Variants in RBFOX2 observed in about 807,000 individuals in gnomAD.
RBFOX2 encodes the protein RNA binding fox-1 homolog 2, also known as RNA binding protein fox-1 homolog 2.
A neutral mutation model predicts 49.1 loss-of-function variants in RBFOX2; 10 were observed. The observed-to-expected ratio is 0.20, with a 90% confidence interval of 0.13 to 0.35. RBFOX2 has a LOEUF of 0.35. Ranked by LOEUF, RBFOX2 falls within the 10% of genes least tolerant of loss-of-function variation. The pLI, the probability that RBFOX2 is intolerant of heterozygous loss-of-function variation, is 1.00. For synonymous variants in RBFOX2, 183 were observed against 187.4 expected (o/e 0.98, Z 0.19); for missense variants, 323 against 486.9 (o/e 0.66, Z 3.17).
chr22:35,852,038 A>G (rs2041998859), intron 1 of RBFOX2, among the ~76,000 whole-genome samples: 1 of 149,416 alleles, frequency 6.7e-6, no homozygotes, highest in Admixed American at 6.6e-5. Flanking sequence ...AACCAACTGC[A>G]AACAAAATAT....
intron 1 of RBFOX2, among the ~76,000 whole-genome samples, chr22:35,979,541 T>C (rs1038516459): frequency 5.3e-5 from 8 of 152,106 alleles, no homozygotes; most frequent in African/African-American, 9.7e-5. Context: ...AAAAAGGGTA[T>C]GTATGTACAC....
At chr22:35,904,510 C>A (rs1005155984) in intron 1 of RBFOX2, among the ~76,000 whole-genome samples, 1 of 152,104 alleles carries the variant, frequency 6.6e-6, no homozygotes, top group Non-Finnish European at 1.5e-5. Context: ...CTAATTTCAC[C>A]CTAGTTACCA....
chr22:35,890,936 T>A (rs2047164350), intron 1 of RBFOX2, among the ~76,000 whole-genome samples: 1 of 152,092 alleles, frequency 6.6e-6, no homozygotes, highest in African/African-American at 2.4e-5. Flanking sequence ...CTCTCATGGT[T>A]GCTTTCCTCA....
intron 1 of RBFOX2, among the ~76,000 whole-genome samples, chr22:35,867,713 A>C (rs934700392): frequency 6.6e-6 from 1 of 152,184 alleles, no homozygotes; most frequent in African/African-American, 2.4e-5. Context: ...ATGAAGAAAA[A>C]ATTAAGGGCT....
intron 1 of RBFOX2, among the ~76,000 whole-genome samples, chr22:35,977,761 TAC>T (rs1556504286): frequency 1.5e-4 from 14 of 90,898 alleles, no homozygotes; most frequent in East Asian, 3.6e-4. Flanking sequence ...TATATATATA[TAC>T]ATGCACACAC....
chr22:35,824,050 G>A (rs1338730764), intron 1 of RBFOX2, among the ~76,000 whole-genome samples: 1 of 152,116 alleles, frequency 6.6e-6, no homozygotes, highest in Non-Finnish European at 1.5e-5. Context: ...TCGGGAGGCT[G>A]AGGCAGGAGA....
At chr22:35,971,453 A>C (rs1221050712) in intron 1 of RBFOX2, among the ~76,000 whole-genome samples, 1 of 152,084 alleles carries the variant, frequency 6.6e-6, no homozygotes, top group Non-Finnish European at 1.5e-5. Flanking sequence ...AATGCCTCCC[A>C]GGTCCAGAAA....
At position 35,987,762 on chromosome 22, in the gene RBFOX2, A is replaced by AGG. The variant is rs200551487; in HGVS notation, c.186+40476_186+40477dup. 6.2e-3 allele frequency among the ~76,000 whole-genome samples: 940 copies of AGG among 152,320 alleles called. 6 individuals are homozygous for AGG. The highest frequency in any genetic ancestry group is 0.01 in the Non-Finnish European group (681 of 68,032). On this transcript the variant is annotated intron_variant, in intron 1 of 13. Coordinates refer to the RBFOX2 transcript ENST00000438146. ...ATTCTATGTCACAGATCAGGATCTAAGGGTTCATAAGGCAAGCTCCCAATG... is the reference window on the plus strand; with the variant it reads ...ATTCTATGTCACAGATCAGGATCTAAGGGGGTTCATAAGGCAAGCTCCCAATG...
At position 36,027,830 on chromosome 22, in the gene RBFOX2, C is replaced by T. The variant is rs534712631; in HGVS notation, c.186+410G>A. On this transcript the variant is annotated intron_variant, in intron 1 of 13. Transcript: ENST00000438146. ...CATCCCAGCGTGTGCCCAGGGCTGC[C>T]AAAAGGTACTCCCTCTTCTCGGGAG... 2.0e-5 allele frequency among the ~76,000 whole-genome samples: 3 copies of T among 152,182 alleles called. No individual in the cohort carries two copies. In the East Asian group the frequency reaches 5.8e-4, roughly 29 times the overall value.
chr22:35,863,265 T>C (rs2043301087), intron 1 of RBFOX2, among the ~76,000 whole-genome samples: 2 of 152,326 alleles, frequency 1.3e-5, no homozygotes, highest in South Asian at 2.1e-4. Flanking sequence ...GTTACATTTC[T>C]GTAACATAAA....
chr22:36,000,563 G>C (rs1355518142), intron 1 of RBFOX2: 1 of 151,928 alleles, frequency 6.6e-6, no homozygotes, highest in East Asian at 1.9e-4. Flanking sequence ...AGAAAAAAAT[G>C]GAAGGAAATC....
At chr22:35,781,527 T>C (rs1945141819) in intron 3 of RBFOX2, 73 bp downstream of exon 4, 1 of 1,519,298 alleles carries the variant, frequency 6.6e-7, no homozygotes, top group Admixed American at 2.1e-5. Flanking sequence ...AAAGTAATAA[T>C]GACTAATAAC....
intron 1 of RBFOX2, among the ~76,000 whole-genome samples, chr22:35,835,385 A>G (rs1957475309): frequency 6.6e-6 from 1 of 152,210 alleles, no homozygotes; most frequent in South Asian, 2.1e-4. Context: ...AACAACCCCT[A>G]GGTAAGGAAT....
chr22:35,838,656 A>G (rs1011266947), intron 1 of RBFOX2, among the ~76,000 whole-genome samples: 4 of 152,196 alleles, frequency 2.6e-5, no homozygotes, highest in Non-Finnish European at 5.9e-5. Context: ...CTTGGCTCTC[A>G]TGGCACAGAG....
At chr22:35,799,874 A>G (rs1421331410) in intron 2 of RBFOX2, among the ~76,000 whole-genome samples, 1 of 152,014 alleles carries the variant, frequency 6.6e-6, no homozygotes, top group Non-Finnish European at 1.5e-5. Flanking sequence ...GGACCATCTG[A>G]GCCTGGGAGG....
At chr22:35,928,886 C>T (rs7285907) in intron 1 of RBFOX2, among the ~76,000 whole-genome samples, 18,595 of 152,052 alleles carry the variant, frequency 0.12, 1,323 homozygotes, top group Middle Eastern at 0.28. Context: ...CCACAATGAG[C>T]TATTACCATA....
At chr22:35,883,837 C>T (rs182746316) in intron 1 of RBFOX2, among the ~76,000 whole-genome samples, 66 of 152,116 alleles carry the variant, frequency 4.3e-4, no homozygotes, top group African/African-American at 1.5e-3. Context: ...TTTAAGACCT[C>T]GTGACAATCG....
At chr22:36,009,502 T>A (rs1040571061) in intron 1 of RBFOX2, among the ~76,000 whole-genome samples, 1 of 152,034 alleles carries the variant, frequency 6.6e-6, no homozygotes, top group Non-Finnish European at 1.5e-5. Context: ...GCCTACCGAG[T>A]AGCTGGGACT....
At chr22:35,946,093 AAC>A (rs2054248903) in intron 1 of RBFOX2, among the ~76,000 whole-genome samples, 1 of 152,130 alleles carries the variant, frequency 6.6e-6, no homozygotes, top group Non-Finnish European at 1.5e-5. Context: ...TTATCTTTGA[AAC>A]ACACCAAAAT....
Sources: allele counts gnomAD v4.1 joint callset (sites outside exome capture counted in the v4.1 genomes callset), GRCh38; gene constraint gnomAD v4.1.1; transcripts MANE v1.5; gene names NCBI Gene and HGNC (gene_info 2026-07-23, HGNC 2026-07-21).